The following SCAPER variants were observed in gnomAD, a reference collection of about 807,000 sequenced individuals.
SCAPER encodes S-phase cyclin A associated protein in the ER, also known as S phase cyclin A-associated protein in the endoplasmic reticulum.
SCAPER carries 98 observed loss-of-function variants against 182.2 expected under a neutral mutation model. That is an observed-to-expected ratio of 0.54 (90% CI 0.46 to 0.64). SCAPER has a LOEUF of 0.64. Ranked by LOEUF, SCAPER falls within the 30% of genes least tolerant of loss-of-function variation. The pLI is 0.00. For synonymous variants in SCAPER, 605 were observed against 564.6 expected, an observed-to-expected ratio of 1.07 and a Z score of -1.01; for missense variants, 1,432 against 1,690.0, an observed-to-expected ratio of 0.85 and a Z score of 2.68.
chr15:76,675,640 C>T (rs1385215993), intron 20 of SCAPER, among the ~76,000 whole-genome samples: 1 of 152,156 alleles, frequency 6.6e-6, no homozygotes, highest in Non-Finnish European at 1.5e-5. Flanking sequence ...TAATGCCCTT[C>T]CCATAATTCC....
intron 20 of SCAPER, among the ~76,000 whole-genome samples, chr15:76,682,614 A>T (rs914737153): frequency 6.6e-6 from 1 of 152,180 alleles, no homozygotes; most frequent in Non-Finnish European, 1.5e-5. Flanking sequence ...ATAGATCCCA[A>T]GGCACCACCT....
At chr15:76,378,462 A>C (rs2042718661) in intron 28 of SCAPER, among the ~76,000 whole-genome samples, 1 of 152,202 alleles carries the variant, frequency 6.6e-6, no homozygotes, top group Non-Finnish European at 1.5e-5. Flanking sequence ...AGTTTCTCTG[A>C]CCATAACTAT....
At chr15:76,474,046 T>C (rs1457437671) in intron 24 of SCAPER, among the ~76,000 whole-genome samples, 3 of 152,004 alleles carry the variant, frequency 2.0e-5, no homozygotes, top group South Asian at 2.1e-4. Context: ...CCTGGCCTCA[T>C]GTGATCCACC....
At chr15:76,842,898 G>C (rs2069618549) in intron 4 of SCAPER, among the ~76,000 whole-genome samples, 1 of 152,166 alleles carries the variant, frequency 6.6e-6, no homozygotes, top group Admixed American at 6.5e-5. Context: ...CTCTTTACCA[G>C]ATATTCCAGA....
intron 23 of SCAPER, among the ~76,000 whole-genome samples, chr15:76,561,548 C>T (rs1237614651): frequency 6.6e-6 from 1 of 151,966 alleles, no homozygotes; most frequent in Admixed American, 6.6e-5. Context: ...GGGAAGTGTG[C>T]TATTTTACCA....
chr15:76,775,143 T>C, intron 8 of SCAPER, 26 bp from the exon 9 acceptor site: 4 of 1,549,218 alleles, frequency 2.6e-6, no homozygotes, highest in Non-Finnish European at 3.5e-6. Context: ...AAAAAACAAA[T>C]CAAGATTTAT....
At chr15:76,731,954 A>G (rs1253333648) in intron 16 of SCAPER, among the ~76,000 whole-genome samples, 1 of 152,218 alleles carries the variant, frequency 6.6e-6, no homozygotes, top group Non-Finnish European at 1.5e-5. Context: ...CAGAGTAAGG[A>G]ACCAAAGATG....
intron 2 of SCAPER, among the ~76,000 whole-genome samples, chr15:76,866,919 A>G (rs2072340729): frequency 6.6e-6 from 1 of 152,108 alleles, no homozygotes; most frequent in African/African-American, 2.4e-5. Context: ...TGTGCCACCT[A>G]GTGCTGTATG....
At chr15:76,543,595 A>AT (rs1020636090) in intron 23 of SCAPER, among the ~76,000 whole-genome samples, 12 of 152,168 alleles carry the variant, frequency 7.9e-5, no homozygotes, top group South Asian at 2.1e-4. Context: ...ACCAAAATGG[A>AT]TTTTTTTGCA....
chr15:76,707,252 T>C (rs2059310925), intron 17 of SCAPER, among the ~76,000 whole-genome samples: 1 of 151,744 alleles, frequency 6.6e-6, no homozygotes, highest in African/African-American at 2.4e-5. Flanking sequence ...AGAAAACAAA[T>C]ATCAAAATGG....
intron 17 of SCAPER, among the ~76,000 whole-genome samples, chr15:76,726,921 T>G (rs1191055126): frequency 6.6e-6 from 1 of 151,976 alleles, no homozygotes; most frequent in African/African-American, 2.4e-5. Context: ...GTACAGATGG[T>G]GGTGATAGTT....
At chr15:76,501,487 G>T (rs987299370) in intron 24 of SCAPER, among the ~76,000 whole-genome samples, 10 of 152,172 alleles carry the variant, frequency 6.6e-5, no homozygotes, top group Admixed American at 5.9e-4. Context: ...AAGAGGACAG[G>T]AAGCTGGTTT....
intron 27 of SCAPER, among the ~76,000 whole-genome samples, chr15:76,402,727 C>T (rs2044549973): frequency 6.6e-6 from 1 of 151,990 alleles, no homozygotes; most frequent in South Asian, 2.1e-4. Flanking sequence ...GATCCTGTTT[C>T]CATGTTCCAT....
chr15:76,665,499 A>G (rs2056504345), intron 21 of SCAPER, among the ~76,000 whole-genome samples, 154 bp downstream of exon 21: 1 of 152,170 alleles, frequency 6.6e-6, no homozygotes, highest in African/African-American at 2.4e-5. Context: ...TTCTTTCTCA[A>G]TCAAGGAAAG....
chr15:76,854,959 G>A (rs576444113), intron 4 of SCAPER, among the ~76,000 whole-genome samples: 21 of 150,498 alleles, frequency 1.4e-4, no homozygotes, highest in Admixed American at 1.1e-3. Context: ...GTGACAGAGC[G>A]AGACTCCGTC....
At chr15:76,446,721 T>C (rs934314826) in intron 25 of SCAPER, among the ~76,000 whole-genome samples, 1 of 152,202 alleles carries the variant, frequency 6.6e-6, no homozygotes, top group Non-Finnish European at 1.5e-5. Flanking sequence ...GTGCATATCC[T>C]GAAGTAGACA....
chr15:76,789,553 A>C (rs781558139), intron 8 of SCAPER, among the ~76,000 whole-genome samples: 3 of 152,206 alleles, frequency 2.0e-5, no homozygotes, highest in Non-Finnish European at 4.4e-5. Flanking sequence ...CAAACTAGGA[A>C]CTATAACTTA....
chr15:76,783,358 C>A (rs1012447167), intron 8 of SCAPER, among the ~76,000 whole-genome samples: 3 of 152,124 alleles, frequency 2.0e-5, no homozygotes, highest in African/African-American at 7.2e-5. Context: ...CTGAATAGAC[C>A]AACAGCAGGT....
intron 16 of SCAPER, among the ~76,000 whole-genome samples, chr15:76,732,749 C>G (rs1291888934): frequency 6.6e-6 from 1 of 152,228 alleles, no homozygotes; most frequent in East Asian, 1.9e-4. Flanking sequence ...AGTGGTCACG[C>G]TCCTAGTCCA....
Sources: gnomAD v4.1 joint callset for allele counts (sites outside exome capture counted in the v4.1 genomes callset) on GRCh38, gnomAD v4.1.1 for gene constraint, MANE v1.5 for transcripts, NCBI Gene and HGNC (gene_info 2026-07-23, HGNC 2026-07-21) for gene names.